The following CDH13 variants were observed in gnomAD, a reference collection of about 807,000 sequenced individuals.
CDH13 encodes cadherin-13.
In CDH13, 24 loss-of-function variants were observed where a neutral mutation model predicts 63.8. The observed-to-expected ratio is 0.38, with a 90% CI of 0.27 to 0.53. CDH13 has a LOEUF of 0.53. Among genes scored for constraint, CDH13 ranks in the 20% least tolerant of loss-of-function variants. The pLI is 0.85. For synonymous variants in CDH13, 503 were observed against 355.3 expected (o/e 1.42, Z -4.67); for missense variants, 1,049 against 903.1 (o/e 1.16, Z -2.07).
At chr16:83,262,998 A>G (rs964591790) in intron 5 of CDH13, among the ~76,000 whole-genome samples, 5 of 152,220 alleles carry the variant, frequency 3.3e-5, no homozygotes, top group African/African-American at 7.2e-5. Flanking sequence ...GAAATGGGAT[A>G]TATTCTTTGA....
intron 1 of CDH13, among the ~76,000 whole-genome samples, chr16:82,629,165 C>A (rs1597159226): frequency 1.3e-5 from 2 of 152,220 alleles, no homozygotes; most frequent in East Asian, 3.8e-4. Context: ...GCACTAAGGG[C>A]TCTGCGCACG....
intron 2 of CDH13, among the ~76,000 whole-genome samples, chr16:83,001,691 T>G (rs1912950455): frequency 6.6e-6 from 1 of 152,230 alleles, no homozygotes; most frequent in African/African-American, 2.4e-5. Flanking sequence ...GGGTTCTGTG[T>G]GACCATTTAC....
intron 7 of CDH13, among the ~76,000 whole-genome samples, chr16:83,547,887 G>A (rs1420053756): frequency 1.3e-5 from 2 of 152,268 alleles, no homozygotes; most frequent in African/African-American, 2.4e-5. Flanking sequence ...CTATCCTGGG[G>A]CATCAGGAGC....
At chr16:82,729,986 C>G (rs1474130697) in intron 1 of CDH13, among the ~76,000 whole-genome samples, 2 of 152,276 alleles carry the variant, frequency 1.3e-5, no homozygotes, top group East Asian at 3.9e-4. Flanking sequence ...TCTGTAGTTC[C>G]TTACCTCTCT....
chr16:82,975,425 C>T (rs559508652), intron 2 of CDH13, among the ~76,000 whole-genome samples: 49 of 152,252 alleles, frequency 3.2e-4, no homozygotes, highest in African/African-American at 1.0e-3. Flanking sequence ...CTGCAGCTGC[C>T]GTGTGACCCT....
intron 2 of CDH13, among the ~76,000 whole-genome samples, chr16:82,967,578 G>C (rs1237108159): frequency 6.6e-6 from 1 of 152,192 alleles, no homozygotes; most frequent in Admixed American, 6.5e-5. Flanking sequence ...GCATTTTCCT[G>C]CCTTACTTCT....
chr16:83,424,404 C>G (rs541422813), intron 6 of CDH13, among the ~76,000 whole-genome samples: 1 of 152,208 alleles, frequency 6.6e-6, no homozygotes, highest in Non-Finnish European at 1.5e-5. Flanking sequence ...ATCACACAAG[C>G]AGCCTTGGAG....
chr16:83,468,817 A>G (rs923143226), intron 6 of CDH13, among the ~76,000 whole-genome samples: 4 of 152,200 alleles, frequency 2.6e-5, no homozygotes, highest in Admixed American at 6.5e-5. Flanking sequence ...GGTTTCTTAC[A>G]TAGGTAAACG....
chr16:82,902,348 G>T (rs779419086), intron 2 of CDH13, among the ~76,000 whole-genome samples: 1 of 150,366 alleles, frequency 6.7e-6, no homozygotes, highest in South Asian at 2.1e-4. Flanking sequence ...AATCAATTTT[G>T]ACTTGTTTTC....
intron 10 of CDH13, among the ~76,000 whole-genome samples, chr16:83,695,692 C>T (rs1279514623): frequency 1.3e-5 from 2 of 152,106 alleles, no homozygotes; most frequent in Non-Finnish European, 2.9e-5. Context: ...AAGGATAAAA[C>T]ATAATGAAAT....
chr16:83,285,871 A>G (rs1427439394), intron 5 of CDH13, among the ~76,000 whole-genome samples: 1 of 152,090 alleles, frequency 6.6e-6, no homozygotes, highest in Non-Finnish European at 1.5e-5. Flanking sequence ...AATAAACTCT[A>G]CTCATTGTGG....
At chr16:82,855,425 T>C (rs777822980) in intron 1 of CDH13, among the ~76,000 whole-genome samples, 17 of 152,330 alleles carry the variant, frequency 1.1e-4, no homozygotes, top group African/African-American at 1.9e-4. Context: ...GTCTGGGAGC[T>C]GAGAGCAGAA....
chr16:83,257,207 C>T (rs1472665761), intron 5 of CDH13, among the ~76,000 whole-genome samples: 4 of 151,408 alleles, frequency 2.6e-5, no homozygotes, highest in Admixed American at 6.6e-5. Context: ...GACAGTAGGG[C>T]TTCATGGACA....
intron 6 of CDH13, among the ~76,000 whole-genome samples, chr16:83,470,699 A>G (rs577261899): frequency 1.3e-5 from 2 of 152,316 alleles, no homozygotes; most frequent in East Asian, 1.9e-4. Context: ...GGCTCAGCAG[A>G]TAACACGCCT....
At chr16:83,296,477 G>C (rs1248802961) in intron 5 of CDH13, among the ~76,000 whole-genome samples, 1 of 152,142 alleles carries the variant, frequency 6.6e-6, no homozygotes, top group African/African-American at 2.4e-5. Flanking sequence ...TATTTGGAAA[G>C]GGGAGAGGCA....
chr16:82,869,554 A>C (rs2151185934), intron 2 of CDH13, among the ~76,000 whole-genome samples: 1 of 152,326 alleles, frequency 6.6e-6, no homozygotes, highest in African/African-American at 2.4e-5. Context: ...GAACAAAATT[A>C]GAGTTATCAC....
At chr16:82,641,194 C>A (rs751869040) in intron 1 of CDH13, among the ~76,000 whole-genome samples, 6 of 152,192 alleles carry the variant, frequency 3.9e-5, no homozygotes, top group Non-Finnish European at 7.3e-5. Flanking sequence ...TGTATTCACT[C>A]GCCCTTATCT....
At chr16:83,731,033 A>G (rs379558) in intron 10 of CDH13, among the ~76,000 whole-genome samples, 73,283 of 151,782 alleles carry the variant, frequency 0.48, 19,645 homozygotes, top group Non-Finnish European at 0.61. Flanking sequence ...CATGGTATAC[A>G]CGCACTGCAT....
At chr16:82,860,675 G>C (rs2039908266) in intron 2 of CDH13, among the ~76,000 whole-genome samples, 1 of 151,982 alleles carries the variant, frequency 6.6e-6, no homozygotes. Context: ...GATCTGGTTA[G>C]GTACTTTCAA....
Sources: allele counts gnomAD v4.1 joint callset (sites outside exome capture counted in the v4.1 genomes callset), GRCh38; gene constraint gnomAD v4.1.1; transcripts MANE v1.5; gene names NCBI Gene and HGNC (gene_info 2026-07-23, HGNC 2026-07-21).